Variants in FGD3 observed in about 807,000 individuals in gnomAD.
FGD3 encodes FYVE, RhoGEF and PH domain containing 3.
A neutral mutation model predicts 71.8 loss-of-function variants in FGD3; 45 were observed. The ratio of observed to expected loss-of-function variants is 0.63; its 90% CI spans 0.49 to 0.80. The LOEUF (loss-of-function observed/expected upper bound fraction) is 0.80, where lower values mean the gene tolerates loss of function less well. Among genes scored for constraint, FGD3 ranks in the 30% least tolerant of loss-of-function variants. The pLI, the probability that FGD3 is intolerant of heterozygous loss-of-function variation, is 0.00. For missense variants in FGD3, 844 were observed against 951.5 expected, an observed-to-expected ratio of 0.89 and a Z score of 1.49; for synonymous variants, 378 against 392.8, an observed-to-expected ratio of 0.96 and a Z score of 0.44.
chr9:92,988,958 C>T (rs150131462), intron 3 of FGD3, among the ~76,000 whole-genome samples: 214 of 152,308 alleles, frequency 1.4e-3, no homozygotes, highest in African/African-American at 4.8e-3. Flanking sequence ...TTCTTTGGTT[C>T]CTCAACTCCT....
chr9:92,973,274 C>T (rs1859604496), intron 1 of FGD3, among the ~76,000 whole-genome samples: 1 of 152,016 alleles, frequency 6.6e-6, no homozygotes, highest in Admixed American at 6.6e-5. Context: ...ACCACCATGC[C>T]TGGCTAATTT....
intron 15 of FGD3, among the ~76,000 whole-genome samples, chr9:93,032,135 A>G (rs1216325122): frequency 6.6e-6 from 1 of 152,166 alleles, no homozygotes; most frequent in Non-Finnish European, 1.5e-5. Flanking sequence ...GCTTTTGGCT[A>G]TTGTGAATAA....
At chr9:93,012,652 GCTCACAC>G (rs1203238470) in intron 8 of FGD3, among the ~76,000 whole-genome samples, 1 of 145,036 alleles carries the variant, frequency 6.9e-6, no homozygotes, top group Non-Finnish European at 1.5e-5. Context: ...AGGTGTGGTG[GCTCACAC>G]CTGTGAGCCA....
At chr9:93,014,596 T>C (rs898097992) in intron 9 of FGD3, among the ~76,000 whole-genome samples, 2 of 152,174 alleles carry the variant, frequency 1.3e-5, no homozygotes, top group Admixed American at 6.5e-5. Flanking sequence ...TTTTGACTAA[T>C]ACAGTTGTGA....
chr9:92,976,738 C>A (rs367786089), intron 3 of FGD3, 29 bp downstream of exon 3: 8 of 1,530,018 alleles, frequency 5.2e-6, no homozygotes, highest in Admixed American at 4.3e-5. Context: ...GTCCCCGCTG[C>A]GGGCTGCAGG....
intron 9 of FGD3, 122 bp downstream of exon 9, chr9:93,014,120 G>T (rs1372200230): frequency 7.8e-7 from 1 of 1,282,534 alleles, no homozygotes; most frequent in East Asian, 2.7e-5. Context: ...CTCTCCTACT[G>T]GGACTGTGGC....
chr9:93,025,720 G>T (rs1862091204), intron 14 of FGD3, among the ~76,000 whole-genome samples: 1 of 152,202 alleles, frequency 6.6e-6, no homozygotes, highest in Non-Finnish European at 1.5e-5. Context: ...GGCAAGCGTG[G>T]AGTTGCTCTT....
At chr9:93,012,438 T>C (rs1331794935) in intron 8 of FGD3, among the ~76,000 whole-genome samples, 1 of 152,116 alleles carries the variant, frequency 6.6e-6, no homozygotes, top group Non-Finnish European at 1.5e-5. Flanking sequence ...AGCCATGTGT[T>C]ACCATGGAAC....
chr9:93,011,174 C>A, intron 7 of FGD3, 40 bp from the exon 8 acceptor site: 2 of 1,611,130 alleles, frequency 1.2e-6, no homozygotes, highest in Non-Finnish European at 1.7e-6. Context: ...AAAAACGGAG[C>A]CACCGTGGCC....
rs1395905803 is a variant in FGD3, at chr9:93,011,290, G to A, written c.1035+18G>A. 1 of 1,614,088 alleles carries A rather than the reference G, an allele frequency of 6.2e-7. No homozygotes were observed. The highest frequency in any genetic ancestry group is 1.1e-5 in the South Asian group (1 of 91,086). ...GGAAAGTGGTGAGTGTGGGGCTCCA[G>A]TGGCGACCGGCAGGGTGGTGCAGCA... is the stretch of plus-strand genomic sequence containing the variant. On this transcript the variant is annotated intron_variant, in intron 8 of 17. Coordinates refer to ENST00000375482, the MANE Select transcript of FGD3 (RefSeq NM_001083536.2).
chr9:93,026,917 G>A (rs1450505832), intron 14 of FGD3, among the ~76,000 whole-genome samples: 3 of 152,232 alleles, frequency 2.0e-5, no homozygotes, highest in Non-Finnish European at 2.9e-5. Context: ...CATCGGGGCT[G>A]CCCTTCCACT....
At chr9:93,027,795 C>T (rs1340253664) in intron 14 of FGD3, among the ~76,000 whole-genome samples, 1 of 142,338 alleles carries the variant, frequency 7.0e-6, no homozygotes, top group African/African-American at 2.6e-5. Context: ...TCACAACTCA[C>T]TGTAGCCTTG....
intron 1 of FGD3, among the ~76,000 whole-genome samples, chr9:92,957,357 T>A (rs1194582993): frequency 6.6e-6 from 1 of 152,238 alleles, no homozygotes; most frequent in African/African-American, 2.4e-5. Context: ...TTGCTCCACA[T>A]CCTTGCCAGC....
At chr9:92,977,234 G>A (rs770129651) in intron 3 of FGD3, among the ~76,000 whole-genome samples, 3 of 152,194 alleles carry the variant, frequency 2.0e-5, no homozygotes, top group Non-Finnish European at 4.4e-5. Context: ...GCAGTGCAGT[G>A]TGGAGACCAG....
At chr9:92,962,362 G>A (rs1348768014) in intron 1 of FGD3, among the ~76,000 whole-genome samples, 1 of 152,224 alleles carries the variant, frequency 6.6e-6, no homozygotes, top group African/African-American at 2.4e-5. Flanking sequence ...TCTGGCACAG[G>A]GGACCTCTGT....
intron 17 of FGD3, 29 bp downstream of exon 17, chr9:93,034,710 A>G: frequency 3.7e-6 from 6 of 1,603,582 alleles, no homozygotes; most frequent in Non-Finnish European, 5.1e-6. Context: ...CCAGGCCCTC[A>G]GGCCAGCAGC....
In FGD3 at chr9:93,018,060, C is replaced by A. The variant is rs1033361974; in HGVS notation, c.1276-76C>A. 12 of 1,412,864 alleles carry A rather than the reference C, an allele frequency of 8.5e-6. No homozygotes were observed. In the African/African-American group the frequency reaches 1.7e-4, roughly 20 times the overall value. 87.5% of individuals were successfully genotyped at this position (1,412,864 alleles called of 1,614,324 possible). A position where few individuals can be genotyped will look rare whatever the true frequency, so the allele number is the denominator to read the frequency against. On this transcript the variant is annotated intron_variant, in intron 10 of 17. Coordinates refer to ENST00000375482, the MANE Select transcript of FGD3 (RefSeq NM_001083536.2). ...CTGTTACCTCCTTGGGGAAACACTT[C>A]TAAGTCAGAAAACATGAGGCTGGAG...
rs1206302292 is a variant in FGD3 at position 92,991,323 on chromosome 9, C to G, written c.454-11602C>G. On this transcript the variant is annotated intron_variant, in intron 3 of 17. Transcript: ENST00000375482. ...CAAACTCCTAGGCTCAAGCAGTATG[C>G]CAGCCTTGGCCTCACAAAGTGCTGG... is the stretch of plus-strand genomic sequence containing the variant. Among the ~76,000 whole-genome samples, 4 of 152,286 alleles carry G rather than the reference C, an allele frequency of 2.6e-5. No individual in the cohort carries two copies. In the East Asian group the frequency reaches 5.8e-4, roughly 22 times the overall value.
At chr9:93,010,083 C>T (rs778719813) in intron 6 of FGD3, among the ~76,000 whole-genome samples, 163 bp from the exon 7 acceptor site, 1 of 152,208 alleles carries the variant, frequency 6.6e-6, no homozygotes, top group Non-Finnish European at 1.5e-5. Context: ...CCTCAGTTTC[C>T]CTCGTTGTAA....
Sources: allele counts gnomAD v4.1 joint callset (sites outside exome capture counted in the v4.1 genomes callset), GRCh38; gene constraint gnomAD v4.1.1; transcripts MANE v1.5; gene names NCBI Gene and HGNC (gene_info 2026-07-23, HGNC 2026-07-21).